SPATA7: variants seen among roughly 807,000 people sequenced by gnomAD.
SPATA7 encodes the protein spermatogenesis-associated protein 7.
Under a neutral mutation model 51.8 loss-of-function variants are expected in SPATA7, and 43 were observed. That is an observed-to-expected ratio of 0.83 (90% confidence interval 0.65 to 1.07). The LOEUF (loss-of-function observed/expected upper bound fraction) is 1.07. Among genes scored for constraint, SPATA7 ranks in the 50% least tolerant of loss-of-function variants. The pLI is 0.00. For missense variants in SPATA7, 683 were observed against 701.3 expected (o/e 0.97, Z 0.30); for synonymous variants, 230 against 252.8 (o/e 0.91, Z 0.86).
At chr14:88,440,705 A>G (rs538444734), downstream of SPATA7, among the ~76,000 whole-genome samples, 5 of 152,290 alleles carry the variant, frequency 3.3e-5, no homozygotes, top group South Asian at 8.3e-4. Context: ...GAGCTGGGTT[A>G]CTGAGCCTGT....
Position 88,437,925 on chromosome 14 carries a change from A to G in SPATA7, c.1303A>G (p.Met435Val), listed in dbSNP as rs2077135335. 3 of 1,613,400 alleles carry G rather than the reference A, an allele frequency of 1.9e-6. No individual in the cohort carries two copies. The highest frequency in any genetic ancestry group is 2.2e-5 in the South Asian group (2 of 90,920). Residue 435 changes from methionine to valine, a missense_variant, in exon 12 of 12, where the codon ATG becomes GTG. By Grantham distance (21) the Met-to-Val change is conservative. Transcript: ENST00000393545. ...CTCGGTAAAGCAAAATGATGTTGAT[A>G]TGTTGAATGTATTTGATTTTGAAAA... is the stretch of plus-strand genomic sequence containing the variant. ...ENSVKQNDVD[M>V]LNVFDFEKAG...
intron 4 of SPATA7, among the ~76,000 whole-genome samples, chr14:88,402,959 C>CAAAAAA (rs56330042): frequency 2.4e-3 from 147 of 61,916 alleles, no homozygotes; most frequent in South Asian, 6.4e-3. Context: ...AACTCAATAG[C>CAAAAAA]AAAAAAAAAA....
chr14:88,451,257 C>T (rs1179826025), intron 3 of SPATA7, among the ~76,000 whole-genome samples: 1 of 152,168 alleles, frequency 6.6e-6, no homozygotes, highest in Non-Finnish European at 1.5e-5. Context: ...GCAACCTCTG[C>T]CTCCTGGGTT....
At chr14:88,439,000 T>A (rs2077160093), downstream of SPATA7, among the ~76,000 whole-genome samples, 1 of 152,182 alleles carries the variant, frequency 6.6e-6, no homozygotes, top group Non-Finnish European at 1.5e-5. Context: ...TACAAGGGTG[T>A]GAATGCCAGA....
At chr14:88,440,487 T>C (rs886331726), downstream of SPATA7, among the ~76,000 whole-genome samples, 2 of 152,182 alleles carry the variant, frequency 1.3e-5, no homozygotes, top group African/African-American at 2.4e-5. Context: ...AGGATGTGGG[T>C]GGTAAGTTTG....
chr14:88,410,280 G>T (rs2076304854), intron 4 of SPATA7, among the ~76,000 whole-genome samples: 2 of 152,108 alleles, frequency 1.3e-5, no homozygotes, highest in Admixed American at 6.5e-5. Context: ...CTCCTGTATT[G>T]GGTGCATATG....
At chr14:88,420,429 C>G (rs1421002052) in intron 5 of SPATA7, among the ~76,000 whole-genome samples, 1 of 152,222 alleles carries the variant, frequency 6.6e-6, no homozygotes, top group Admixed American at 6.5e-5. Context: ...TCTGTGACCT[C>G]AGTTCTCTCA....
At chr14:88,410,401 C>G (rs2076308667) in intron 4 of SPATA7, among the ~76,000 whole-genome samples, 1 of 152,032 alleles carries the variant, frequency 6.6e-6, no homozygotes, top group Non-Finnish European at 1.5e-5. Context: ...TTTTCAGAGA[C>G]TAGGATTGCA....
At chr14:88,391,704 T>G in intron 2 of SPATA7, 1 of 548,644 alleles carries the variant, frequency 1.8e-6, no homozygotes, top group Non-Finnish European at 3.4e-6. Flanking sequence ...GCAGCCCAGC[T>G]CTACTTTTGC....
At chr14:88,456,145 T>C (rs894231579), downstream of SPATA7, among the ~76,000 whole-genome samples, 1 of 152,196 alleles carries the variant, frequency 6.6e-6, no homozygotes, top group African/African-American at 2.4e-5. Flanking sequence ...TTTGGGTTGG[T>C]TCCAAGTCTT....
At chr14:88,431,120 TA>T (rs2076928067) in intron 8 of SPATA7, 51 bp from the exon 9 acceptor site, 9 of 1,474,140 alleles carry the variant, frequency 6.1e-6, no homozygotes, top group African/African-American at 1.4e-5. Flanking sequence ...ATTGAGTACT[TA>T]TTGTATGCCA....
At chr14:88,435,780 A>G (rs1244916898) in intron 10 of SPATA7, among the ~76,000 whole-genome samples, 1 of 152,182 alleles carries the variant, frequency 6.6e-6, no homozygotes, top group Non-Finnish European at 1.5e-5. Flanking sequence ...TAATGGCTGA[A>G]TAGTACTCCA....
At chr14:88,426,791 C>T in intron 6 of SPATA7, 87 bp downstream of exon 6, 1 of 1,221,268 alleles carries the variant, frequency 8.2e-7, no homozygotes, top group Middle Eastern at 2.5e-4. Flanking sequence ...CTGCTGCCAG[C>T]CTTAAGATCT....
chr14:88,437,674 C>T, intron 11 of SPATA7, 77 bp downstream of exon 11: 3 of 1,381,528 alleles, frequency 2.2e-6, no homozygotes, highest in Non-Finnish European at 3.0e-6. Context: ...TACCTTCAAA[C>T]AATACATTAA....
chr14:88,397,041 G>A (rs113155255), intron 4 of SPATA7, among the ~76,000 whole-genome samples: 7 of 151,714 alleles, frequency 4.6e-5, no homozygotes, highest in Non-Finnish European at 1.0e-4. Flanking sequence ...AAGCCACCAC[G>A]CACAGCTAAT....
In SPATA7 at chr14:88,461,058, G is replaced by C. The variant is rs190682619; in HGVS notation, c.255-8789G>C. Among the ~76,000 whole-genome samples the C allele has an allele frequency of 1.9e-3, 291 of 152,284 alleles. 6 individuals carry two copies. The East Asian group carries it at 0.049, about 25-fold the overall frequency. ...GAACAGCAAATGTTGCTGCCTGATC[G>C]TTCCTCTGGAAGCTTCATCTCAGAG... On this transcript the variant is annotated intron_variant, in intron 4 of 4. Coordinates refer to the SPATA7 transcript ENST00000556406.
chr14:88,412,628 A>G (rs369700048), intron 4 of SPATA7, among the ~76,000 whole-genome samples: 16 of 152,322 alleles, frequency 1.1e-4, no homozygotes, highest in East Asian at 5.8e-4. Context: ...AGATATACCC[A>G]GTACCAATAC....
chr14:88,398,671 A>T (rs1351512368), intron 4 of SPATA7, among the ~76,000 whole-genome samples: 5 of 152,132 alleles, frequency 3.3e-5, no homozygotes, highest in African/African-American at 1.2e-4. Flanking sequence ...CAGTGTTATA[A>T]ATTTTAAGTT....
At chr14:88,431,012 G>A (rs1339805714) in intron 8 of SPATA7, among the ~76,000 whole-genome samples, 160 bp from the exon 9 acceptor site, 2 of 152,122 alleles carry the variant, frequency 1.3e-5, no homozygotes, top group African/African-American at 4.8e-5. Flanking sequence ...CAACTACTAA[G>A]TATATAATGG....
Sources: allele counts gnomAD v4.1 joint callset (sites outside exome capture counted in the v4.1 genomes callset), GRCh38; gene constraint gnomAD v4.1.1; transcripts MANE v1.5; gene names NCBI Gene and HGNC (gene_info 2026-07-23, HGNC 2026-07-21).